MTUS2: variants seen among roughly 807,000 people sequenced by gnomAD.
MTUS2 encodes microtubule associated scaffold protein 2.
In MTUS2, 40 loss-of-function variants were observed where a neutral mutation model predicts 114.1. That is an observed-to-expected ratio of 0.35 (90% CI 0.27 to 0.46). The LOEUF (loss-of-function observed/expected upper bound fraction) is 0.46. MTUS2 is among the 20% of genes least tolerant of loss of function. The probability of loss-of-function intolerance (pLI) is 1.00; values close to 1 mark genes in which losing one functional copy is unlikely to be tolerated. For missense variants in MTUS2, 1,679 were observed against 1,705.4 expected (o/e 0.98, Z 0.27); for synonymous variants, 688 against 672.0 (o/e 1.02, Z -0.37).
At chr13:29,131,029 C>T (rs569515253) in intron 5 of MTUS2, among the ~76,000 whole-genome samples, 2 of 152,280 alleles carry the variant, frequency 1.3e-5, no homozygotes, top group African/African-American at 4.8e-5. Flanking sequence ...CAAGTGCCTT[C>T]AGCTGTGTAT....
upstream of MTUS2, among the ~76,000 whole-genome samples, chr13:28,820,195 G>C (rs1286474517): frequency 1.4e-5 from 2 of 146,746 alleles, no homozygotes; most frequent in Admixed American, 6.8e-5. Context: ...GCGGAGCCGG[G>C]AGCGCCTGGG....
chr13:29,250,355 A>C (rs1388157493), intron 5 of MTUS2: 3 of 152,070 alleles, frequency 2.0e-5, no homozygotes, highest in Admixed American at 6.6e-5. Context: ...ATGCCATCTT[A>C]ATGGCCTCAG....
intron 8 of MTUS2, among the ~76,000 whole-genome samples, chr13:29,378,237 A>G (rs1371325113): frequency 6.6e-6 from 1 of 152,102 alleles, no homozygotes; most frequent in Non-Finnish European, 1.5e-5. Context: ...AAAAAAGTCA[A>G]TTGCACACAA....
intron 4 of MTUS2, among the ~76,000 whole-genome samples, chr13:29,074,577 TCTC>T (rs762659583): frequency 3.3e-5 from 5 of 152,146 alleles, no homozygotes; most frequent in Admixed American, 6.5e-5. Context: ...TTCTCTTCCT[TCTC>T]CTACTTCTTC....
chr13:29,098,230 A>G (rs138381539), intron 4 of MTUS2, among the ~76,000 whole-genome samples: 20 of 152,328 alleles, frequency 1.3e-4, no homozygotes, highest in African/African-American at 4.3e-4. Context: ...ATATTTATCA[A>G]ATACATTGTG....
chr13:29,475,279 G>C (rs1454707024), intron 9 of MTUS2, among the ~76,000 whole-genome samples: 4 of 152,178 alleles, frequency 2.6e-5, no homozygotes, highest in Non-Finnish European at 1.5e-5. Context: ...AACCTAATGT[G>C]CTGCCAATCG....
chr13:29,215,474 GTTTTTT>G lies in MTUS2; in HGVS notation c.2645-66214_2645-66209del, dbSNP rs71090232. On this transcript the variant is annotated intron_variant, in intron 5 of 15. Coordinates refer to ENST00000612955, the MANE Select transcript of MTUS2 (RefSeq NM_001033602.4). ...TTGGAGTTTTCAGCATTTTTTTGCT[GTTTTTT>G]TTTTTTTTTTTTTTTCCCCATCTTT... is the stretch of plus-strand genomic sequence containing the variant. 1.9e-3 allele frequency among the ~76,000 whole-genome samples: 253 copies of G among 130,094 alleles called. 1 individual carries two copies. The highest frequency in any genetic ancestry group is 7.0e-3 in the South Asian group (27 of 3,872). The allele number at this position is 130,094 out of a possible 152,430, so 85.3% of individuals were successfully genotyped here.
At chr13:29,420,435 G>A (rs922386220) in intron 8 of MTUS2, among the ~76,000 whole-genome samples, 12 of 151,772 alleles carry the variant, frequency 7.9e-5, no homozygotes, top group Non-Finnish European at 1.3e-4. Context: ...CCGCTGCCGC[G>A]CCCAGCTAAT....
chr13:29,032,387 G>A lies in MTUS2; in HGVS notation c.2206-1498G>A, dbSNP rs560563501. ...GCAATCCTAAAACCTGACAGATGTA[G>A]TTTGGAAATGATATTAATTTCTTCA... On this transcript the variant is annotated intron_variant, in intron 3 of 15. Coordinates refer to ENST00000612955, the MANE Select transcript of MTUS2 (RefSeq NM_001033602.4). 2.0e-5 allele frequency among the ~76,000 whole-genome samples: 3 copies of A among 152,238 alleles called. No individual in the cohort carries two copies. The South Asian group carries it at 6.2e-4, about 32-fold the overall frequency.
At chr13:29,001,242 GT>G (rs1420255731) in intron 2 of MTUS2, among the ~76,000 whole-genome samples, 2 of 152,130 alleles carry the variant, frequency 1.3e-5, no homozygotes, top group African/African-American at 4.8e-5. Flanking sequence ...CTAATTTCCA[GT>G]TTTAAAAAGA....
chr13:29,170,249 A>G (rs1893500955), intron 5 of MTUS2, among the ~76,000 whole-genome samples: 1 of 77,318 alleles, frequency 1.3e-5, no homozygotes. Flanking sequence ...AGCTTTGCTT[A>G]GTGAGAGGAA....
chr13:29,419,490 G>A (rs1185121639), intron 8 of MTUS2, among the ~76,000 whole-genome samples: 1 of 152,194 alleles, frequency 6.6e-6, no homozygotes, highest in Non-Finnish European at 1.5e-5. Context: ...TGCCAGGGCT[G>A]AGGAGACCTC....
rs542305585 is a variant in MTUS2, at chr13:29,048,363, G to A, written c.2446+14238G>A. On this transcript the variant is annotated intron_variant, in intron 4 of 15. Transcript: ENST00000612955. ...ATTTCTTGGTCAGTTTCAATTGATT[G>A]CATCTTCTCATTATGGGTTGTATAA... 2.0e-5 allele frequency among the ~76,000 whole-genome samples: 3 copies of A among 152,296 alleles called. No homozygotes were observed. The South Asian group carries it at 6.2e-4, about 32-fold the overall frequency.
At chr13:29,220,458 A>G (rs957238979) in intron 5 of MTUS2, among the ~76,000 whole-genome samples, 1 of 152,200 alleles carries the variant, frequency 6.6e-6, no homozygotes, top group Non-Finnish European at 1.5e-5. Context: ...AGTAAGAGAT[A>G]TGTGACTCTT....
At chr13:29,217,430 A>G (rs1047212046) in intron 5 of MTUS2, among the ~76,000 whole-genome samples, 2 of 152,218 alleles carry the variant, frequency 1.3e-5, no homozygotes, top group African/African-American at 4.8e-5. Context: ...AGTGCATATA[A>G]AACTTATGGT....
At chr13:29,079,951 T>G (rs144243443) in intron 4 of MTUS2, among the ~76,000 whole-genome samples, 1 of 152,198 alleles carries the variant, frequency 6.6e-6, no homozygotes. Context: ...GCATTTTACA[T>G]AGGAATTGCA....
chr13:29,066,244 C>T (rs1283309905), intron 4 of MTUS2, among the ~76,000 whole-genome samples: 1 of 152,168 alleles, frequency 6.6e-6, no homozygotes, highest in African/African-American at 2.4e-5. Flanking sequence ...CCTGTGTTTT[C>T]TTCACTTTCT....
chr13:29,430,690 T>G (rs1876928789), intron 8 of MTUS2, among the ~76,000 whole-genome samples: 1 of 152,258 alleles, frequency 6.6e-6, no homozygotes, highest in Non-Finnish European at 1.5e-5. Context: ...AAAAAACACA[T>G]TGTTTTATGT....
chr13:28,888,662 TC>T (rs1405430593), intron 2 of MTUS2, among the ~76,000 whole-genome samples: 4 of 152,116 alleles, frequency 2.6e-5, no homozygotes, highest in African/African-American at 9.7e-5. Flanking sequence ...CCTCAGGTGA[TC>T]CGCCTGCCTC....
Sources: allele counts gnomAD v4.1 joint callset (sites outside exome capture counted in the v4.1 genomes callset), GRCh38; gene constraint gnomAD v4.1.1; transcripts MANE v1.5; gene names NCBI Gene and HGNC (gene_info 2026-07-23, HGNC 2026-07-21).